The following MGMT variants were observed in gnomAD, a reference collection of about 807,000 sequenced individuals.
The protein encoded by MGMT is O-6-methylguanine-DNA methyltransferase, also known as methylated-DNA--protein-cysteine methyltransferase.
A neutral mutation model predicts 15.9 loss-of-function variants in MGMT; 14 were observed. The observed-to-expected ratio is 0.88, with a 90% CI of 0.58 to 1.37. The LOEUF (loss-of-function observed/expected upper bound fraction) is 1.37. Ranked by LOEUF, MGMT falls within the 40% of genes most tolerant of loss-of-function variation. MGMT has a pLI of 0.00. For synonymous variants in MGMT, 130 were observed against 118.2 expected, an observed-to-expected ratio of 1.10 and a Z score of -0.65; for missense variants, 282 against 268.1, an observed-to-expected ratio of 1.05 and a Z score of -0.36.
At chr10:129,536,417 T>C (rs1183152587) in intron 2 of MGMT, 40 bp downstream of exon 2, 1 of 1,593,544 alleles carries the variant, frequency 6.3e-7, no homozygotes, top group Non-Finnish European at 8.5e-7. Flanking sequence ...CCGCACATGC[T>C]GAAGCAACCG....
intron 2 of MGMT, among the ~76,000 whole-genome samples, chr10:129,684,796 G>A (rs2133122963): frequency 6.6e-6 from 1 of 152,308 alleles, no homozygotes; most frequent in South Asian, 2.1e-4. Flanking sequence ...AACATCACCA[G>A]CCAGGAGGAA....
rs1848370471 is a variant in MGMT at position 129,721,461 on chromosome 10, G to A, written c.274+13418G>A. 2.6e-5 allele frequency among the ~76,000 whole-genome samples: 4 copies of A among 152,326 alleles called. No homozygotes were observed. The South Asian group carries it at 8.3e-4, about 32-fold the overall frequency. On this transcript the variant is annotated intron_variant, in intron 3 of 4. Transcript: ENST00000651593. The stretch of plus-strand genomic sequence containing the variant: ...GGAACTATAAGTTGAACAAATTTCA[G>A]ATAAGTGAACCTCACTAGAACTAGA...
chr10:129,576,393 A>G (rs1321236181), intron 2 of MGMT, among the ~76,000 whole-genome samples: 1 of 152,256 alleles, frequency 6.6e-6, no homozygotes, highest in Admixed American at 6.5e-5. Flanking sequence ...ACGCAAATCA[A>G]TAAATGTAAT....
chr10:129,633,891 A>G (rs1435276239), intron 2 of MGMT, among the ~76,000 whole-genome samples: 2 of 152,240 alleles, frequency 1.3e-5, no homozygotes, highest in African/African-American at 2.4e-5. Flanking sequence ...TGTGACAGCA[A>G]TCATAGACAA....
chr10:129,626,940 C>CA (rs1181025850), intron 2 of MGMT, among the ~76,000 whole-genome samples: 4 of 152,192 alleles, frequency 2.6e-5, no homozygotes, highest in Admixed American at 2.0e-4. Context: ...GAAGCGTGGG[C>CA]AGGCTCCCAG....
intron 2 of MGMT, among the ~76,000 whole-genome samples, chr10:129,698,311 C>T (rs1848055783): frequency 6.6e-6 from 1 of 152,178 alleles, no homozygotes; most frequent in African/African-American, 2.4e-5. Context: ...AGCCCATGTC[C>T]AGGCATGCAG....
At chr10:129,474,736 A>G (rs528159100) in intron 1 of MGMT, among the ~76,000 whole-genome samples, 4 of 152,328 alleles carry the variant, frequency 2.6e-5, no homozygotes, top group South Asian at 4.1e-4. Flanking sequence ...TTAGAGGTAC[A>G]GTCACATCAG....
intron 2 of MGMT, among the ~76,000 whole-genome samples, chr10:129,618,509 GAA>G (rs1564738843): frequency 2.6e-5 from 4 of 151,688 alleles, no homozygotes; most frequent in Non-Finnish European, 1.5e-5. Flanking sequence ...TTTCCATGTA[GAA>G]TAAGTGGATT....
chr10:129,758,749 A>G (rs1248301056), intron 3 of MGMT, among the ~76,000 whole-genome samples: 3 of 152,204 alleles, frequency 2.0e-5, no homozygotes, highest in Non-Finnish European at 4.4e-5. Context: ...AGCCGGCATA[A>G]TATCGCAGCC....
At position 129,544,239 on chromosome 10, in the gene MGMT, C is replaced by T. The variant is rs559140227; in HGVS notation, c.125+7862C>T. Among the ~76,000 whole-genome samples, 8 of 152,298 alleles carry T rather than the reference C, an allele frequency of 5.3e-5. No homozygotes were observed. The East Asian group carries it at 9.7e-4, about 18-fold the overall frequency. ...ACAATCCAGTTCTCATCTAGAATTA[C>T]ATTGTATGCTGTGCAGGCCAGGGGA... is the stretch of plus-strand genomic sequence containing the variant. On this transcript the variant is annotated intron_variant, in intron 2 of 4. Transcript: ENST00000651593.
At chr10:129,723,781 A>G (rs1340764573) in intron 3 of MGMT, among the ~76,000 whole-genome samples, 1 of 152,210 alleles carries the variant, frequency 6.6e-6, no homozygotes, top group Non-Finnish European at 1.5e-5. Flanking sequence ...CTCATGAGAA[A>G]GTGCTCGGCA....
intron 3 of MGMT, chr10:129,717,717 G>C (rs570060312): frequency 6.6e-6 from 1 of 152,258 alleles, no homozygotes; most frequent in East Asian, 1.9e-4. Context: ...TGGTCCCTCC[G>C]TGCCGCACAC....
At chr10:129,495,120 G>T (rs894674751) in intron 1 of MGMT, among the ~76,000 whole-genome samples, 1 of 152,164 alleles carries the variant, frequency 6.6e-6, no homozygotes, top group Non-Finnish European at 1.5e-5. Flanking sequence ...AAACCAGATT[G>T]TGAATTTTTT....
Position 129,738,135 on chromosome 10 carries a change from G to A in MGMT, c.275-21067G>A, listed in dbSNP as rs1041298195. The stretch of plus-strand genomic sequence containing the variant: ...AACCTAAGCAAGCCTGGGCAATGGC[G>A]GGTGCCCCTCCCCAAGCCTCGCTGC... On this transcript the variant is annotated intron_variant, in intron 3 of 4. Coordinates refer to ENST00000651593, the MANE Select transcript of MGMT (RefSeq NM_002412.5). 2.1e-4 allele frequency among the ~76,000 whole-genome samples: 32 copies of A among 152,332 alleles called. 1 individual carries two copies. The highest frequency in any genetic ancestry group is 6.5e-4 in the African/African-American group (27 of 41,582).
chr10:129,600,188 C>A (rs1014384404), intron 2 of MGMT, among the ~76,000 whole-genome samples: 20 of 152,176 alleles, frequency 1.3e-4, no homozygotes, highest in South Asian at 2.1e-4. Context: ...CTGAGCGACC[C>A]ATCTCTGCGT....
intron 1 of MGMT, among the ~76,000 whole-genome samples, chr10:129,534,299 G>A (rs1845962811): frequency 6.6e-6 from 1 of 152,156 alleles, no homozygotes; most frequent in Admixed American, 6.5e-5. Flanking sequence ...GCAGCAGGGA[G>A]GCTGCAGGGT....
Position 129,763,026 on chromosome 10 carries a change from A to G in MGMT, c.414+3685A>G, listed in dbSNP as rs150255439. Among the ~76,000 whole-genome samples, 143 of 152,316 alleles carry G rather than the reference A, an allele frequency of 9.4e-4. 1 individual carries two copies. Among genetic ancestry groups the G allele is most frequent in the African/African-American group, 3.4e-3 (141 of 41,566 alleles). On this transcript the variant is annotated intron_variant, in intron 4 of 4. Coordinates refer to ENST00000651593, the MANE Select transcript of MGMT (RefSeq NM_002412.5). ...GAAAAAATATTCAGCCGGTACCAGA[A>G]TCAGAGGGATTCCATCATTGACTGA...
At chr10:129,692,626 G>T (rs79180312) in intron 2 of MGMT, among the ~76,000 whole-genome samples, 1 of 152,204 alleles carries the variant, frequency 6.6e-6, no homozygotes, top group Admixed American at 6.5e-5. Flanking sequence ...GGATGGGGAC[G>T]CAAGGGCAGC....
chr10:129,530,650 C>A lies in MGMT; in HGVS notation c.-12-5591C>A, dbSNP rs1203287098. 2.0e-5 allele frequency among the ~76,000 whole-genome samples: 3 copies of A among 152,356 alleles called. 1 individual carries two copies. Among genetic ancestry groups the A allele is most frequent in the Middle Eastern group, 6.8e-3 (2 of 294 alleles). ...TCTTGACAGAGCTGCCAGAGGGAGC[C>A]TCGAAATGCAAACCAGCTGCATCTC... On this transcript the variant is annotated intron_variant, in intron 1 of 4. Coordinates refer to ENST00000651593, the MANE Select transcript of MGMT (RefSeq NM_002412.5).
Sources: allele counts gnomAD v4.1 joint callset (sites outside exome capture counted in the v4.1 genomes callset), GRCh38; gene constraint gnomAD v4.1.1; transcripts MANE v1.5; gene names NCBI Gene and HGNC (gene_info 2026-07-23, HGNC 2026-07-21).